Variants in SEC24B observed in about 807,000 individuals in gnomAD.
SEC24B encodes protein transport protein Sec24B.
In SEC24B, 45 loss-of-function variants were observed where a neutral mutation model predicts 142.8. The observed-to-expected ratio is 0.32, with a 90% CI of 0.25 to 0.40. SEC24B has a LOEUF of 0.40. Among genes scored for constraint, SEC24B ranks in the 10% least tolerant of loss-of-function variants. The pLI is 1.00. For synonymous variants in SEC24B, 574 were observed against 568.2 expected (o/e 1.01, Z -0.15); for missense variants, 1,409 against 1,526.8 (o/e 0.92, Z 1.29).
chr4:109,460,280 T>C (rs1347673601), intron 1 of SEC24B, among the ~76,000 whole-genome samples: 1 of 152,172 alleles, frequency 6.6e-6, no homozygotes, highest in Non-Finnish European at 1.5e-5. Flanking sequence ...CTTATCTCTT[T>C]TATAAACAAG....
chr4:109,510,537 A>G (rs560258352), intron 8 of SEC24B, among the ~76,000 whole-genome samples: 1 of 152,308 alleles, frequency 6.6e-6, no homozygotes, highest in Admixed American at 6.5e-5. Flanking sequence ...TAGTTTTGGA[A>G]GGTGGAATGG....
intron 6 of SEC24B, among the ~76,000 whole-genome samples, chr4:109,499,848 G>A (rs1481780716): frequency 6.6e-6 from 1 of 152,130 alleles, no homozygotes; most frequent in South Asian, 2.1e-4. Flanking sequence ...TTATTTTAGA[G>A]TGTACTCCTT....
At chr4:109,464,499 C>T (rs916376420) in intron 2 of SEC24B, among the ~76,000 whole-genome samples, 28 of 152,242 alleles carry the variant, frequency 1.8e-4, no homozygotes, top group Non-Finnish European at 4.0e-4. Flanking sequence ...GTCTCGAACA[C>T]GCGAGCTACT....
intron 2 of SEC24B, among the ~76,000 whole-genome samples, chr4:109,467,885 T>C (rs1732117860): frequency 6.6e-6 from 1 of 152,216 alleles, no homozygotes; most frequent in Admixed American, 6.5e-5. Flanking sequence ...AAAAAGCTAC[T>C]TGAGTAAAAA....
At chr4:109,464,005 G>A (rs552320017) in intron 2 of SEC24B, among the ~76,000 whole-genome samples, 18 of 152,204 alleles carry the variant, frequency 1.2e-4, no homozygotes, top group African/African-American at 2.9e-4. Flanking sequence ...TTCAACCTTG[G>A]GACAGTTGTT....
Position 109,539,762 on chromosome 4 carries a change from G to C in SEC24B, c.*87G>C. Reference sequence around the variant, plus strand: ...AAGCGCGTGAGAAATTTGAAATGAAGGCATTTGTTAATACAAGATGCAACG... The same window carrying C: ...AAGCGCGTGAGAAATTTGAAATGAACGCATTTGTTAATACAAGATGCAACG... On this transcript the variant is annotated 3_prime_UTR_variant, in exon 24 of 24. Transcript: ENST00000265175. 3.0e-5 allele frequency: 26 copies of C among 860,346 alleles called. No homozygotes were observed. The highest frequency in any genetic ancestry group is 4.3e-5 in the Non-Finnish European group (23 of 534,454). 53.3% of individuals were successfully genotyped at this position (860,346 alleles called of 1,614,324 possible). A position where few individuals can be genotyped will look rare whatever the true frequency, so the allele number is the denominator to read the frequency against.
At chr4:109,434,260 C>T (rs1191534009) in intron 1 of SEC24B, among the ~76,000 whole-genome samples, 1 of 151,988 alleles carries the variant, frequency 6.6e-6, no homozygotes. Flanking sequence ...AAGCTGGGGC[C>T]GTGGCTGTTT....
At chr4:109,509,678 GAAAAAAAAAA>G (rs1020221678) in intron 7 of SEC24B, among the ~76,000 whole-genome samples, 20 of 46,388 alleles carry the variant, frequency 4.3e-4, no homozygotes, top group Non-Finnish European at 6.6e-4. Context: ...CTCCATCTCA[GAAAAAAAAAA>G]AAAAAAAAAA....
At chr4:109,495,681 A>G (rs1039180113) in intron 6 of SEC24B, among the ~76,000 whole-genome samples, 2 of 152,120 alleles carry the variant, frequency 1.3e-5, no homozygotes, top group African/African-American at 4.8e-5. Context: ...TATTATGCAA[A>G]TGAATTATCT....
At chr4:109,502,791 C>T (rs1164335845) in intron 6 of SEC24B, among the ~76,000 whole-genome samples, 3 of 151,982 alleles carry the variant, frequency 2.0e-5, no homozygotes, top group African/African-American at 7.3e-5. Context: ...TTTAATTGCC[C>T]CTTTCTCTAT....
intron 18 of SEC24B, among the ~76,000 whole-genome samples, chr4:109,528,771 A>C (rs1724558359): frequency 6.6e-6 from 1 of 152,246 alleles, no homozygotes; most frequent in Non-Finnish European, 1.5e-5. Flanking sequence ...AAGCCTTGCT[A>C]TTTCCCATGT....
At chr4:109,437,806 G>C (rs937287073) in intron 1 of SEC24B, among the ~76,000 whole-genome samples, 1 of 152,124 alleles carries the variant, frequency 6.6e-6, no homozygotes, top group Non-Finnish European at 1.5e-5. Context: ...TGTATTTTTA[G>C]TAGAGATGGA....
intron 3 of SEC24B, among the ~76,000 whole-genome samples, chr4:109,476,175 C>T (rs979057770): frequency 3.3e-5 from 5 of 151,776 alleles, no homozygotes; most frequent in African/African-American, 7.3e-5. Context: ...TTAGTAGAGA[C>T]GGGGTTTCAC....
chr4:109,438,928 C>T (rs982619077), intron 1 of SEC24B, among the ~76,000 whole-genome samples: 3 of 152,122 alleles, frequency 2.0e-5, no homozygotes, highest in Non-Finnish European at 4.4e-5. Flanking sequence ...TTTTGGGATT[C>T]CTTCCAAAGC....
intron 1 of SEC24B, 59 bp from the exon 2 acceptor site, chr4:109,462,842 G>A (rs918065989): frequency 4.7e-6 from 6 of 1,276,668 alleles, no homozygotes; most frequent in Non-Finnish European, 5.4e-6. Flanking sequence ...TTTAAATGGG[G>A]GCTATTTTTA....
intron 2 of SEC24B, among the ~76,000 whole-genome samples, chr4:109,467,325 CAAAAAAAAAAA>C (rs70949083): frequency 1.7e-5 from 1 of 59,850 alleles, no homozygotes; most frequent in African/African-American, 6.5e-5. Context: ...GACTCCGTCT[CAAAAAAAAAAA>C]AAAAAAAAAA....
At position 109,463,659 on chromosome 4, in the gene SEC24B, A is replaced by C; in HGVS notation, c.877+15A>C. 6.3e-7 allele frequency: 1 copy of C among 1,599,836 alleles called. No individual in the cohort carries two copies. The highest frequency in any genetic ancestry group is 8.5e-7 in the Non-Finnish European group (1 of 1,171,014). ...AACCATTACTGGTAGGTTGAATGAA[A>C]AGTTCACCAAAACATGTTTGAAAAT... On this transcript the variant is annotated intron_variant, in intron 2 of 23. Coordinates refer to ENST00000265175, the MANE Select transcript of SEC24B (RefSeq NM_006323.5).
chr4:109,523,321 T>G (rs370687449), intron 14 of SEC24B, among the ~76,000 whole-genome samples: 18 of 151,974 alleles, frequency 1.2e-4, no homozygotes, highest in Middle Eastern at 3.4e-3. Context: ...AATACAAAAA[T>G]TAGCTGGGTG....
chr4:109,484,678 C>CTT (rs1734162516), intron 4 of SEC24B, among the ~76,000 whole-genome samples: 1 of 152,008 alleles, frequency 6.6e-6, no homozygotes, highest in Non-Finnish European at 1.5e-5. Flanking sequence ...TGGTGAAACT[C>CTT]TGTCTCTACT....
Sources: allele counts gnomAD v4.1 joint callset (sites outside exome capture counted in the v4.1 genomes callset), GRCh38; gene constraint gnomAD v4.1.1; transcripts MANE v1.5; gene names NCBI Gene and HGNC (gene_info 2026-07-23, HGNC 2026-07-21).